Variants in COL22A1 observed in about 807,000 individuals in gnomAD.
COL22A1 encodes collagen type XXII alpha 1 chain.
COL22A1 carries 221 observed loss-of-function variants against 248.9 expected under a neutral mutation model. That is an observed-to-expected ratio of 0.89 (90% confidence interval 0.80 to 0.99). The LOEUF (loss-of-function observed/expected upper bound fraction) is 0.99, where lower values mean the gene tolerates loss of function less well. Ranked by LOEUF, COL22A1 falls within the 50% of genes least tolerant of loss-of-function variation. COL22A1 has a pLI of 0.00. For synonymous variants in COL22A1, 891 were observed against 793.4 expected (o/e 1.12, Z -2.07); for missense variants, 2,240 against 2,179.0 (o/e 1.03, Z -0.56).
chr8:138,806,837 C>T (rs1817769932), intron 10 of COL22A1, among the ~76,000 whole-genome samples: 1 of 152,134 alleles, frequency 6.6e-6, no homozygotes, highest in African/African-American at 2.4e-5. Context: ...TTCAGTGGAA[C>T]AGGATGGAAG....
intron 41 of COL22A1, among the ~76,000 whole-genome samples, chr8:138,664,233 A>G (rs1308879684): frequency 2.2e-4 from 33 of 149,988 alleles, no homozygotes; most frequent in Non-Finnish European, 3.4e-4. Context: ...ACACACACAC[A>G]CACACACACA....
In COL22A1 at chr8:138,608,422, T is replaced by C. The variant is rs114562687; in HGVS notation, c.3979-433A>G. ...AGCTTAGGAAGCATGTCCATGCACT[T>C]ATCTCCTTGTACTCCCCGACTAAGG... On this transcript the variant is annotated intron_variant, in intron 56 of 64. Transcript: ENST00000303045. 3.8e-3 allele frequency among the ~76,000 whole-genome samples: 583 copies of C among 152,284 alleles called. 4 individuals carry two copies. Among genetic ancestry groups the C allele is most frequent in the African/African-American group, 0.013 (558 of 41,572 alleles).
Position 138,679,683 on chromosome 8 carries a change from G to A in COL22A1, c.3013-7C>T, listed in dbSNP as rs72729613. ...TGACTTTTCCGCAAGCAGCCTGAAA[G>A]TAGAAAATCTTCACTCATTTCTTCA... is the stretch of plus-strand genomic sequence containing the variant. On this transcript the variant is annotated splice_region_variant and splice_polypyrimidine_tract_variant and intron_variant, in intron 39 of 64. Transcript: ENST00000303045. 34,207 of 1,613,250 alleles carry A rather than the reference G, an allele frequency of 0.021. 1,379 individuals are homozygous for A. The highest frequency in any genetic ancestry group is 0.17 in the East Asian group (7,510 of 44,854).
At chr8:138,794,712 C>T (rs998875235) in intron 12 of COL22A1, among the ~76,000 whole-genome samples, 12 of 152,164 alleles carry the variant, frequency 7.9e-5, no homozygotes, top group East Asian at 1.9e-4. Context: ...AATACCCAAC[C>T]GAATGGTATT....
chr8:138,688,685 C>A (rs1029907110), intron 37 of COL22A1, among the ~76,000 whole-genome samples: 4 of 152,112 alleles, frequency 2.6e-5, no homozygotes, highest in African/African-American at 9.7e-5. Context: ...TAATTAACTT[C>A]TCAGAGCCTC....
chr8:138,823,239 A>AAT (rs777266147), intron 6 of COL22A1, among the ~76,000 whole-genome samples: 3 of 152,190 alleles, frequency 2.0e-5, no homozygotes, highest in Non-Finnish European at 2.9e-5. Context: ...TGAGAAGTAT[A>AAT]ATATATATAA....
intron 4 of COL22A1, among the ~76,000 whole-genome samples, chr8:138,840,701 C>A (rs989301533): frequency 6.6e-6 from 1 of 152,274 alleles, no homozygotes. Context: ...GAACCACCCA[C>A]CTCAGCTTTG....
intron 1 of COL22A1, among the ~76,000 whole-genome samples, chr8:138,898,914 T>G (rs1474949472): frequency 6.6e-6 from 1 of 152,176 alleles, no homozygotes; most frequent in African/African-American, 2.4e-5. Context: ...GGAAGCAGCA[T>G]CATCTTTAAG....
intron 41 of COL22A1, among the ~76,000 whole-genome samples, chr8:138,667,320 G>A (rs897999029): frequency 6.6e-6 from 1 of 152,050 alleles, no homozygotes; most frequent in Admixed American, 6.6e-5. Flanking sequence ...TCAGAGACCT[G>A]GACAAAAAAT....
Position 138,661,480 on chromosome 8 carries a change from G to A in COL22A1, c.3240+550C>T, listed in dbSNP as rs147162075. ...CAAGTACCTTCTATGTGCCTGGCAC[G>A]CTGCTGGGCACCAGGGACCATGAGG... On this transcript the variant is annotated intron_variant, in intron 43 of 64. Transcript: ENST00000303045. Among the ~76,000 whole-genome samples the A allele has an allele frequency of 8.5e-3, 1,291 of 152,302 alleles. 19 individuals are homozygous for A. Among genetic ancestry groups the A allele is most frequent in the African/African-American group, 0.029 (1,225 of 41,546 alleles).
At position 138,813,079 on chromosome 8, in the gene COL22A1, C is replaced by T. The variant is rs141370411; in HGVS notation, c.1246-60G>A. ...AGGGACTTTGGAACCCAGAAACCTC[C>T]GTGGTTTCACACAGGCCCCGTCCTG... On this transcript the variant is annotated intron_variant, in intron 7 of 64. Coordinates refer to ENST00000303045, the MANE Select transcript of COL22A1 (RefSeq NM_152888.3). 6.5e-4 allele frequency: 867 copies of T among 1,336,684 alleles called. 5 individuals carry two copies. The African/African-American group carries it at 0.011, about 16-fold the overall frequency. The allele number at this position is 1,336,684 out of a possible 1,614,324, so 82.8% of individuals were successfully genotyped here.
chr8:138,851,329 C>T (rs1488536086), intron 3 of COL22A1, among the ~76,000 whole-genome samples: 1 of 152,178 alleles, frequency 6.6e-6, no homozygotes, highest in Non-Finnish European at 1.5e-5. Flanking sequence ...CCAAGCCCCA[C>T]AGCTAGAGTG....
chr8:138,738,954 TC>T (rs1330557363), intron 22 of COL22A1, among the ~76,000 whole-genome samples: 1 of 152,088 alleles, frequency 6.6e-6, no homozygotes, highest in East Asian at 1.9e-4. Flanking sequence ...TCAAGTTGCT[TC>T]TCTCACTGCC....
chr8:138,745,938 A>G (rs1832065909), intron 22 of COL22A1, among the ~76,000 whole-genome samples: 1 of 152,216 alleles, frequency 6.6e-6, no homozygotes, highest in Non-Finnish European at 1.5e-5. Context: ...AAAGCCTTGG[A>G]AAGAGAAATG....
chr8:138,673,433 T>C (rs1825224153), intron 41 of COL22A1, among the ~76,000 whole-genome samples: 1 of 151,992 alleles, frequency 6.6e-6, no homozygotes, highest in African/African-American at 2.4e-5. Flanking sequence ...GGTTTCAAAC[T>C]CCTGACCTCA....
chr8:138,670,058 T>C (rs970945112), intron 41 of COL22A1, among the ~76,000 whole-genome samples: 6 of 152,060 alleles, frequency 3.9e-5, no homozygotes, highest in Non-Finnish European at 7.4e-5. Context: ...AGCTAATTTT[T>C]GTATTTTTAG....
intron 35 of COL22A1, among the ~76,000 whole-genome samples, chr8:138,692,257 C>CACGTGT (rs796325411): frequency 9.4e-5 from 1 of 10,646 alleles, no homozygotes; most frequent in African/African-American, 3.7e-4. Flanking sequence ...CGTATGTGTG[C>CACGTGT]GTGTGTGCAT....
At position 138,809,528 on chromosome 8, in the gene COL22A1, C is replaced by CTTTTTTTTTTTTTTTTT. The variant is rs71518485; in HGVS notation, c.1450-1717_1450-1716insAAAAAAAAAAAAAAAAA. 2.0e-4 allele frequency among the ~76,000 whole-genome samples: 23 copies of CTTTTTTTTTTTTTTTTT among 117,672 alleles called. 2 individuals are homozygous for CTTTTTTTTTTTTTTTTT. The highest frequency in any genetic ancestry group is 3.0e-4 in the South Asian group (1 of 3,300). The allele number at this position is 117,672 out of a possible 152,430, so 77.2% of individuals were successfully genotyped here. A position where few individuals can be genotyped will look rare whatever the true frequency, so the allele number is the denominator to read the frequency against. ...TTTCTTCTTCTCTTTTTTTCTTTTT[C>CTTTTTTTTTTTTTTTTT]TTTTTTTTTTGAGACAGAGTCTCAC... On this transcript the variant is annotated intron_variant, in intron 9 of 64. Transcript: ENST00000303045.
chr8:138,795,094 A>T lies in COL22A1; in HGVS notation c.1596+1725T>A, dbSNP rs62530725. On this transcript the variant is annotated intron_variant, in intron 12 of 64. Transcript: ENST00000303045. Reference sequence around the variant, plus strand: ...TACCACAATTAAATGAAACTCATTTAAAAAAAAAAGTGTAAAACAAGAAAG... The same window carrying T: ...TACCACAATTAAATGAAACTCATTTTAAAAAAAAAGTGTAAAACAAGAAAG... Among the ~76,000 whole-genome samples, 39 of 146,086 alleles carry T rather than the reference A, an allele frequency of 2.7e-4. 1 individual carries two copies. In the East Asian group the frequency reaches 4.8e-3, roughly 18 times the overall value.
Sources: allele counts gnomAD v4.1 joint callset (sites outside exome capture counted in the v4.1 genomes callset), GRCh38; gene constraint gnomAD v4.1.1; transcripts MANE v1.5; gene names NCBI Gene and HGNC (gene_info 2026-07-23, HGNC 2026-07-21).